The following PALLD variants were observed in gnomAD, a reference collection of about 807,000 sequenced individuals.
The protein encoded by PALLD is palladin, cytoskeletal associated protein.
A neutral mutation model predicts 123.5 loss-of-function variants in PALLD; 61 were observed. The observed-to-expected ratio is 0.49, with a 90% CI of 0.40 to 0.61. The LOEUF (loss-of-function observed/expected upper bound fraction) is 0.61. Among genes scored for constraint, PALLD ranks in the 20% least tolerant of loss-of-function variants. The pLI, the probability that PALLD is intolerant of heterozygous loss-of-function variation, is 0.00. For missense variants in PALLD, 1,273 were observed against 1,377.0 expected (o/e 0.92, Z 1.20); for synonymous variants, 465 against 496.4 (o/e 0.94, Z 0.84).
chr4:168,516,164 A>T (rs946111569), intron 2 of PALLD, among the ~76,000 whole-genome samples: 2 of 152,252 alleles, frequency 1.3e-5, no homozygotes, highest in Admixed American at 1.3e-4. Context: ...CCTATGCATA[A>T]AAAAGGACGT....
rs1379325758 is a variant in PALLD at position 168,905,384 on chromosome 4, G to A, written c.2622+1478G>A. The stretch of plus-strand genomic sequence containing the variant: ...AGGATGGTCTCGATCTCCTGACCTC[G>A]TGATCCGCCCGCCTCGGCCTCCCAA... On this transcript the variant is annotated intron_variant, in intron 15 of 21. Transcript: ENST00000505667. Among the ~76,000 whole-genome samples the A allele has an allele frequency of 1.1e-4, 16 of 151,472 alleles. No homozygotes were observed. The East Asian group carries it at 1.2e-3, about 11-fold the overall frequency.
intron 10 of PALLD, among the ~76,000 whole-genome samples, chr4:168,837,869 A>G (rs530460916): frequency 1.3e-5 from 2 of 152,208 alleles, no homozygotes; most frequent in African/African-American, 2.4e-5. Flanking sequence ...CGTGGAGCTT[A>G]TATGCCAGTG....
chr4:168,812,585 G>T (rs1415574702), intron 10 of PALLD, among the ~76,000 whole-genome samples: 1 of 152,146 alleles, frequency 6.6e-6, no homozygotes, highest in Non-Finnish European at 1.5e-5. Context: ...TCGCTGTGAT[G>T]ATTTAAGTTA....
chr4:168,794,502 A>ACGCG (rs1554083986), intron 10 of PALLD, among the ~76,000 whole-genome samples: 1 of 136,160 alleles, frequency 7.3e-6, no homozygotes, highest in South Asian at 2.4e-4. Flanking sequence ...ACGCACACAC[A>ACGCG]CACGCACACA....
chr4:168,792,465 G>T (rs190923479), intron 10 of PALLD, among the ~76,000 whole-genome samples: 68 of 152,128 alleles, frequency 4.5e-4, no homozygotes, highest in African/African-American at 1.5e-3. Flanking sequence ...GTCTCTCTAT[G>T]ACTCTTCTAC....
intron 10 of PALLD, among the ~76,000 whole-genome samples, chr4:168,881,545 A>G (rs998549334): frequency 6.0e-5 from 9 of 149,210 alleles, no homozygotes; most frequent in Admixed American, 4.0e-4. Context: ...GGTCTGGGGA[A>G]CTTCTATACA....
intron 2 of PALLD, among the ~76,000 whole-genome samples, chr4:168,627,383 AC>A (rs1775400477): frequency 6.6e-6 from 1 of 152,048 alleles, no homozygotes; most frequent in African/African-American, 2.4e-5. Flanking sequence ...GGTGGCGTGC[AC>A]CTGTAGTCCC....
chr4:168,670,549 A>C (rs1000928300), intron 3 of PALLD, among the ~76,000 whole-genome samples: 32 of 151,182 alleles, frequency 2.1e-4, no homozygotes, highest in African/African-American at 7.8e-4. Flanking sequence ...CTGGCTGACA[A>C]GGTGAAACCC....
At chr4:168,524,160 C>G (rs564896042) in intron 2 of PALLD, among the ~76,000 whole-genome samples, 1 of 152,280 alleles carries the variant, frequency 6.6e-6, no homozygotes, top group South Asian at 2.1e-4. Flanking sequence ...CAACAGCTGT[C>G]AGATGACTCA....
At chr4:168,905,883 T>C (rs1194863869) in intron 15 of PALLD, among the ~76,000 whole-genome samples, 1 of 146,366 alleles carries the variant, frequency 6.8e-6, no homozygotes, top group Middle Eastern at 3.2e-3. Context: ...CACTGCAGTC[T>C]CCACCTCCTG....
intron 2 of PALLD, among the ~76,000 whole-genome samples, chr4:168,554,052 C>T (rs1767020489): frequency 6.6e-6 from 1 of 152,198 alleles, no homozygotes; most frequent in African/African-American, 2.4e-5. Flanking sequence ...CCCACTGAGG[C>T]CAGCGCAGTG....
chr4:168,644,549 C>T (rs912300953), intron 2 of PALLD, among the ~76,000 whole-genome samples: 6 of 152,124 alleles, frequency 3.9e-5, no homozygotes, highest in Non-Finnish European at 5.9e-5. Flanking sequence ...TCCAGCGTTG[C>T]CCCTGTGGCC....
rs141695562 is a variant in PALLD at position 168,698,702 on chromosome 4, C to T, written c.1501+7410C>T. On this transcript the variant is annotated intron_variant, in intron 8 of 21. Coordinates refer to ENST00000505667, the MANE Select transcript of PALLD (RefSeq NM_001166108.2). ...TGGGGCTTTTGGAAACTTTCAAGGA[C>T]GTTGAATCTAGTTGATGGCCCAAGA... 9.4e-4 allele frequency among the ~76,000 whole-genome samples: 143 copies of T among 152,120 alleles called. 5 individuals are homozygous for T. Among genetic ancestry groups the T allele is most frequent in the Admixed American group, 8.3e-3 (127 of 15,288 alleles).
At chr4:168,924,151 T>C in intron 18 of PALLD, 104 bp from the exon 19 acceptor site, 3 of 986,990 alleles carry the variant, frequency 3.0e-6, no homozygotes, top group East Asian at 5.0e-5. Flanking sequence ...TAAAAAATGG[T>C]ATCATAAAAG....
intron 2 of PALLD, among the ~76,000 whole-genome samples, chr4:168,639,566 C>T (rs550265019): frequency 1.7e-4 from 25 of 143,930 alleles, no homozygotes; most frequent in East Asian, 1.2e-3. Context: ...TTTTTTGAGA[C>T]GGAGTCTTGC....
chr4:168,599,987 A>ATG (rs1197629567), intron 2 of PALLD, among the ~76,000 whole-genome samples: 1 of 150,132 alleles, frequency 6.7e-6, no homozygotes, highest in Admixed American at 6.6e-5. Context: ...ATATACATAC[A>ATG]TGTGTATACA....
At chr4:168,542,118 T>C (rs1242460419) in intron 2 of PALLD, among the ~76,000 whole-genome samples, 3 of 152,200 alleles carry the variant, frequency 2.0e-5, no homozygotes, top group African/African-American at 7.2e-5. Flanking sequence ...TATACTGCTG[T>C]TATCCACGTT....
At chr4:168,916,936 T>C (rs1328243201) in intron 17 of PALLD, among the ~76,000 whole-genome samples, 1 of 152,006 alleles carries the variant, frequency 6.6e-6, no homozygotes, top group African/African-American at 2.4e-5. Flanking sequence ...CCCAAAGTGC[T>C]GGGATTACAG....
intron 2 of PALLD, among the ~76,000 whole-genome samples, chr4:168,637,310 G>A (rs186820801): frequency 1.1e-4 from 16 of 152,092 alleles, no homozygotes; most frequent in Admixed American, 2.0e-4. Context: ...GTTCTCAGCC[G>A]GCTGGTGTAC....
Sources: allele counts gnomAD v4.1 joint callset (sites outside exome capture counted in the v4.1 genomes callset), GRCh38; gene constraint gnomAD v4.1.1; transcripts MANE v1.5; gene names NCBI Gene and HGNC (gene_info 2026-07-23, HGNC 2026-07-21).